WDR59: variants seen among roughly 807,000 people sequenced by gnomAD.
WDR59 encodes WD repeat domain 59.
In WDR59, 100 loss-of-function variants were observed where a neutral mutation model predicts 131.2. The ratio of observed to expected loss-of-function variants is 0.76; its 90% confidence interval spans 0.65 to 0.90. WDR59 has a LOEUF of 0.90. WDR59 is among the 40% of genes least tolerant of loss of function. The pLI, the probability that WDR59 is intolerant of heterozygous loss-of-function variation, is 0.00. For missense variants in WDR59, 1,203 were observed against 1,262.2 expected, an observed-to-expected ratio of 0.95 and a Z score of 0.71; for synonymous variants, 601 against 466.2, an observed-to-expected ratio of 1.29 and a Z score of -3.72.
At chr16:74,944,498 G>T (rs949931718) in intron 6 of WDR59, among the ~76,000 whole-genome samples, 1 of 150,686 alleles carries the variant, frequency 6.6e-6, no homozygotes, top group Non-Finnish European at 1.5e-5. Flanking sequence ...CACCAGGGTC[G>T]AATGGAGGTC....
In WDR59 at chr16:74,892,516, C is replaced by T; in HGVS notation, c.2050G>A (p.Ala684Thr). The T allele has an allele frequency of 6.2e-7, 1 of 1,613,928 alleles. No homozygotes were observed. Among genetic ancestry groups the T allele is most frequent in the Non-Finnish European group, 8.5e-7 (1 of 1,179,956 alleles). The change falls in exon 20 of 26, where the codon GCC becomes ACC. Residue 684 changes from alanine to threonine, a missense_variant. Transcript: ENST00000262144. ...QETCQKNAASALLVGRKDLVQ... is the reference protein window; with the variant it reads ...QETCQKNAASTLLVGRKDLVQ... ...AGATCCTTTCTTCCAACGAGCAAGG[C>T]AGAGGCGGCATTCTTCTGACATGTT...
intron 1 of WDR59, among the ~76,000 whole-genome samples, chr16:74,974,764 G>A (rs955355709): frequency 6.6e-6 from 1 of 152,118 alleles, no homozygotes; most frequent in East Asian, 1.9e-4. Flanking sequence ...AGAAATTGTG[G>A]GTACTGAGTC....
chr16:74,926,058 A>ATT (rs1347258890), intron 8 of WDR59, among the ~76,000 whole-genome samples: 4 of 98,004 alleles, frequency 4.1e-5, no homozygotes, highest in African/African-American at 9.9e-5. Flanking sequence ...AAGTCTAATA[A>ATT]ATTTTTTTTT....
At chr16:74,984,044 AG>A in intron 1 of WDR59, among the ~76,000 whole-genome samples, 1 of 152,284 alleles carries the variant, frequency 6.6e-6, no homozygotes, top group Admixed American at 6.5e-5. Flanking sequence ...TGGGAGGCTG[AG>A]GTGGGTGGAT....
At chr16:74,883,871 C>G (rs1964634697) in intron 25 of WDR59, among the ~76,000 whole-genome samples, 1 of 152,202 alleles carries the variant, frequency 6.6e-6, no homozygotes, top group Admixed American at 6.5e-5. Context: ...TAGCCCCAAT[C>G]TCTTCTCTGA....
At chr16:74,901,605 T>C (rs1368643228) in intron 18 of WDR59, among the ~76,000 whole-genome samples, 2 of 150,750 alleles carry the variant, frequency 1.3e-5, no homozygotes, top group Non-Finnish European at 2.9e-5. Context: ...TTCACACCAC[T>C]GCACTCTAGC....
chr16:74,942,560 C>A (rs2032315531), intron 7 of WDR59, among the ~76,000 whole-genome samples, 178 bp downstream of exon 7: 1 of 152,082 alleles, frequency 6.6e-6, no homozygotes, highest in Admixed American at 6.6e-5. Context: ...TCCCTAGTTT[C>A]CTTCAACACT....
At chr16:74,919,321 CCT>C (rs1491309109) in intron 10 of WDR59, among the ~76,000 whole-genome samples, 3 of 151,554 alleles carry the variant, frequency 2.0e-5, no homozygotes, top group African/African-American at 7.3e-5. Flanking sequence ...TCTTGGAACA[CCT>C]TTTTTTTTTT....
Position 74,908,304 on chromosome 16 carries a change from G to C in WDR59, c.1712+604C>G, listed in dbSNP as rs372173406. On this transcript the variant is annotated intron_variant, in intron 17 of 25. Coordinates refer to ENST00000262144, the MANE Select transcript of WDR59 (RefSeq NM_030581.4). Reference sequence around the variant, plus strand: ...ATGGTGGTGCACACGTGTAGTCCCAGCTACTTGGGAGGCTGAGGCAGGAGG... The same window carrying C: ...ATGGTGGTGCACACGTGTAGTCCCACCTACTTGGGAGGCTGAGGCAGGAGG... Among the ~76,000 whole-genome samples, 5 of 152,270 alleles carry C rather than the reference G, an allele frequency of 3.3e-5. No homozygotes were observed. In the East Asian group the frequency reaches 9.6e-4, roughly 29 times the overall value.
chr16:74,965,927 G>C, intron 1 of WDR59, 105 bp from the exon 2 acceptor site: 1 of 1,188,484 alleles, frequency 8.4e-7, no homozygotes, highest in Non-Finnish European at 1.2e-6. Flanking sequence ...GAAGTCCCCA[G>C]CTCGCAGGTA....
At chr16:74,902,125 C>T (rs1002306990) in intron 18 of WDR59, among the ~76,000 whole-genome samples, 4 of 152,106 alleles carry the variant, frequency 2.6e-5, no homozygotes, top group African/African-American at 4.8e-5. Context: ...ATTCACTGAA[C>T]TATACACAAC....
chr16:74,936,309 A>G (rs967527872), intron 8 of WDR59, among the ~76,000 whole-genome samples: 3 of 151,984 alleles, frequency 2.0e-5, no homozygotes, highest in African/African-American at 7.2e-5. Flanking sequence ...CTCTTTGTCT[A>G]TATAGATATG....
chr16:74,940,726 G>C (rs1046035287), intron 7 of WDR59, among the ~76,000 whole-genome samples: 1 of 152,000 alleles, frequency 6.6e-6, no homozygotes, highest in Non-Finnish European at 1.5e-5. Context: ...TAATTTTTGA[G>C]ACGGAGTCTT....
intron 21 of WDR59, 164 bp downstream of exon 21, chr16:74,889,539 T>C (rs148567787): frequency 0.011 from 6,329 of 602,404 alleles, 58 homozygotes; most frequent in Non-Finnish European, 0.014. Context: ...CTATAAGAAG[T>C]TTGTTCTGCA....
chr16:74,951,598 C>G, intron 3 of WDR59, 55 bp from the exon 4 acceptor site: 1 of 1,478,962 alleles, frequency 6.8e-7, no homozygotes, highest in Non-Finnish European at 9.3e-7. Context: ...TATGGTCTTG[C>G]CCCAATCAGC....
At position 74,874,273 on chromosome 16, in the gene WDR59, A is replaced by C. The variant is rs751631894; in HGVS notation, c.2861T>G (p.Phe954Cys). The C allele has an allele frequency of 6.2e-7, 1 of 1,614,178 alleles. No individual in the cohort carries two copies. Among genetic ancestry groups the C allele is most frequent in the South Asian group, 1.1e-5 (1 of 91,078 alleles). The change falls in exon 26 of 26, where the codon TTT becomes TGT. Residue 954 changes from phenylalanine to cysteine, a missense_variant. Physicochemically the swap from Phe to Cys is radical, Grantham distance 205 (BLOSUM62 -2). Coordinates refer to ENST00000262144, the MANE Select transcript of WDR59 (RefSeq NM_030581.4). The part of the protein sequence containing the change: ...GGHTSHMMEW[F>C]RTQEVCPTGC... The stretch of plus-strand genomic sequence containing the variant: ...GGTGGGACACACCTCCTGGGTCCGA[A>C]ACCACTCCATCATGTGGCTGGTGTG...
intron 1 of WDR59, among the ~76,000 whole-genome samples, chr16:74,975,123 T>C (rs2145232349): frequency 6.6e-6 from 1 of 152,218 alleles, no homozygotes; most frequent in South Asian, 2.1e-4. Flanking sequence ...CACCTTGGGA[T>C]GCCAAGGTCG....
At chr16:74,977,232 C>G (rs537586775) in intron 1 of WDR59, among the ~76,000 whole-genome samples, 2 of 150,046 alleles carry the variant, frequency 1.3e-5, no homozygotes, top group Non-Finnish European at 3.0e-5. Flanking sequence ...ACAGCGAGAT[C>G]GCATCTCAAA....
chr16:74,984,868 G>A, intron 1 of WDR59, 96 bp downstream of exon 1: 2 of 1,528,082 alleles, frequency 1.3e-6, no homozygotes, highest in East Asian at 2.4e-5. Context: ...GGGGCCTAGG[G>A]TCTCCCCGTA....
Sources: allele counts gnomAD v4.1 joint callset (sites outside exome capture counted in the v4.1 genomes callset), GRCh38; gene constraint gnomAD v4.1.1; transcripts MANE v1.5; gene names NCBI Gene and HGNC (gene_info 2026-07-23, HGNC 2026-07-21).